DYNC1H1: variants seen among roughly 807,000 people sequenced by gnomAD.
The protein encoded by DYNC1H1 is cytoplasmic dynein 1 heavy chain 1.
DYNC1H1 carries 51 observed loss-of-function variants against 527.1 expected under a neutral mutation model. That is an observed-to-expected ratio of 0.10 (90% CI 0.08 to 0.12). DYNC1H1 has a LOEUF of 0.12. Among genes scored for constraint, DYNC1H1 ranks in the 10% least tolerant of loss-of-function variants. The pLI is 1.00. For synonymous variants in DYNC1H1, 2,189 were observed against 2,278.8 expected (o/e 0.96, Z 1.12); for missense variants, 2,771 against 5,971.8 (o/e 0.46, Z 17.66).
rs924402488 is a variant in DYNC1H1, at chr14:102,017,647, C to T, written c.8177+143C>T. 8 of 1,436,046 alleles carry T rather than the reference C, an allele frequency of 5.6e-6. No individual in the cohort carries two copies. The allele number at this position is 1,436,046 out of a possible 1,614,324, so 89.0% of individuals were successfully genotyped here. Reference sequence around the variant, plus strand: ...ATTCCTCTTGGGTTACTTCTCTGTGCTGTAATGCCAGGAAAACATGTTAAA... The same window carrying T: ...ATTCCTCTTGGGTTACTTCTCTGTGTTGTAATGCCAGGAAAACATGTTAAA... On this transcript the variant is annotated intron_variant, in intron 40 of 77. Transcript: ENST00000360184. This position sits in a 1 kb window ranked among gnomAD's most constrained non-coding sequence, Gnocchi z 4.6.
At position 101,964,591 on chromosome 14, in the gene DYNC1H1, G is replaced by T. The variant is rs968044796; in HGVS notation, c.-101G>T. 18 of 1,525,352 alleles carry T rather than the reference G, an allele frequency of 1.2e-5. No individual in the cohort carries two copies. In the African/African-American group the frequency reaches 1.4e-4, roughly 12 times the overall value. The allele number at this position is 1,525,352 out of a possible 1,614,324, so 94.5% of individuals were successfully genotyped here. A position where few individuals can be genotyped will look rare whatever the true frequency, so the allele number is the denominator to read the frequency against. ...TCTCCTCAGTCTGCGGTGGGCTAGCGGACGGTCCGGCTTCCGGCGGCCGTT... is the reference window on the plus strand; with the variant it reads ...TCTCCTCAGTCTGCGGTGGGCTAGCTGACGGTCCGGCTTCCGGCGGCCGTT... On this transcript the variant is annotated 5_prime_UTR_variant, in exon 1 of 78. Transcript: ENST00000360184. This position sits in a 1 kb window ranked among gnomAD's most constrained non-coding sequence, Gnocchi z 5.5.
intron 10 of DYNC1H1, among the ~76,000 whole-genome samples, chr14:101,990,934 G>A (rs762277728): frequency 3.3e-5 from 5 of 151,686 alleles, no homozygotes; most frequent in African/African-American, 4.8e-5. Flanking sequence ...GCTTGAACTC[G>A]GGAGGTGGAG....
chr14:102,023,514 A>G (rs544143417), intron 43 of DYNC1H1: 51 of 169,616 alleles, frequency 3.0e-4, no homozygotes, highest in Non-Finnish European at 1.5e-4. Context: ...GCGCCATTGC[A>G]CTGCAGCCTC....
chr14:102,002,747 ACTACT>A lies in DYNC1H1; in HGVS notation c.4710-40_4710-36del, dbSNP rs754054415. The A allele has an allele frequency of 1.9e-6, 3 of 1,614,214 alleles. No homozygotes were observed. Among genetic ancestry groups the A allele is most frequent in the Admixed American group, 1.7e-5 (1 of 60,030 alleles). On this transcript the variant is annotated intron_variant, in intron 22 of 77. Transcript: ENST00000360184. The surrounding 1 kb of genome is among the most constrained non-coding windows in gnomAD (Gnocchi z 4.4). ...GAGCCAAATTTGCCAGCGGCTAGTG[ACTACT>A]CTACACAAAGGCTGACGCATGTTTT...
intron 28 of DYNC1H1, 152 bp downstream of exon 28, chr14:102,007,260 T>C (rs1224566721): frequency 1.3e-6 from 1 of 742,738 alleles, no homozygotes; most frequent in Admixed American, 2.2e-5. Flanking sequence ...ATAGGTGTTA[T>C]TTTGAAGTGT....
intron 29 of DYNC1H1, 145 bp downstream of exon 29, chr14:102,008,482 TA>T: frequency 8.3e-7 from 1 of 1,211,988 alleles, no homozygotes; most frequent in Non-Finnish European, 1.2e-6. Flanking sequence ...GAGCTGTGGT[TA>T]AAGACGGAAG....
chr14:101,991,480 T>TA, intron 10 of DYNC1H1, 47 bp from the exon 11 acceptor site: 2 of 1,612,434 alleles, frequency 1.2e-6, no homozygotes, highest in Middle Eastern at 1.7e-4. Context: ...AAATTTTTTT[T>TA]ATTGAAAAAT....
rs1170566501 is a variant in DYNC1H1, at chr14:101,983,280, A to G, written c.1223A>G (p.Glu408Gly). ...AAATTGATGCATGTTGCTTATGAAG[A>G]ATTTGAAAAAGTAAGTTTGAATATA... ...TRKLMHVAYE[E>G]FEKVMVACFE... Residue 408 changes from glutamate to glycine, a missense_variant, in exon 6 of 78, where the codon GAA (glutamate) becomes GGA (glycine). Glu to Gly is a moderately conservative substitution (Grantham distance 98, BLOSUM62 -2). This residue lies in a region of DYNC1H1 where 264 missense variants were observed against 619.4 expected (regional missense o/e 0.43). Transcript: ENST00000360184. The surrounding 1 kb of genome is among the most constrained non-coding windows in gnomAD (Gnocchi z 5.3). The G allele has an allele frequency of 1.2e-6, 2 of 1,614,244 alleles. No homozygotes were observed.
At position 101,983,325 on chromosome 14, in the gene DYNC1H1, A is replaced by G; in HGVS notation, c.1233+35A>G. 5 of 1,614,118 alleles carry G rather than the reference A, an allele frequency of 3.1e-6. No individual in the cohort carries two copies. The highest frequency in any genetic ancestry group is 4.2e-6 in the Non-Finnish European group (5 of 1,179,936). On this transcript the variant is annotated intron_variant, in intron 6 of 77. Transcript: ENST00000360184. This position sits in a 1 kb window ranked among gnomAD's most constrained non-coding sequence, Gnocchi z 5.3. ...AATATATAAGACAACCAACCTCAAG[A>G]CATTGAGATGAAAATATGTCTTAAT... is the stretch of plus-strand genomic sequence containing the variant.
intron 28 of DYNC1H1, 145 bp from the exon 29 acceptor site, chr14:102,008,033 C>A: frequency 8.7e-7 from 1 of 1,151,820 alleles, no homozygotes. Context: ...CCTCATTTAA[C>A]CTTAGTTATG....
Position 102,011,789 on chromosome 14 carries a change from T to C in DYNC1H1, c.6619-86T>C. 2.1e-6 allele frequency: 3 copies of C among 1,400,910 alleles called. No homozygotes were observed. The highest frequency in any genetic ancestry group is 3.4e-5 in the Admixed American group (2 of 59,250). 86.8% of individuals were successfully genotyped at this position (1,400,910 alleles called of 1,614,324 possible). ...AAAATCCACACATAATGTTTCTTGCTCACTTTCACAAGAGGTGGCTGGGCG... is the reference window on the plus strand; with the variant it reads ...AAAATCCACACATAATGTTTCTTGCCCACTTTCACAAGAGGTGGCTGGGCG... On this transcript the variant is annotated intron_variant, in intron 32 of 77. Transcript: ENST00000360184. The surrounding 1 kb of genome is among the most constrained non-coding windows in gnomAD (Gnocchi z 5.3).
chr14:101,990,613 C>T (rs1443762792), intron 10 of DYNC1H1, among the ~76,000 whole-genome samples: 1 of 152,036 alleles, frequency 6.6e-6, no homozygotes, highest in Non-Finnish European at 1.5e-5. Context: ...AGTGGCTTAC[C>T]CCTGTAATCC....
rs775712157 is a variant in DYNC1H1 at position 102,047,955 on chromosome 14, C to A, written c.13145C>A (p.Thr4382Asn). The stretch of plus-strand genomic sequence containing the variant: ...CCTGCCTGGATGCGGACACTGCACA[C>A]CACCGCGTCCAACTGGCTGCACCTC... ...GRPAWMRTLH[T>N]TASNWLHLIP... The change falls in exon 73 of 78, where the codon ACC becomes AAC. Residue 4382 changes from threonine to asparagine, a missense_variant. Transcript: ENST00000360184. 2.5e-6 allele frequency: 4 copies of A among 1,613,060 alleles called. No individual in the cohort carries two copies. Among genetic ancestry groups the A allele is most frequent in the Non-Finnish European group, 3.4e-6 (4 of 1,180,020 alleles).
intron 1 of DYNC1H1, among the ~76,000 whole-genome samples, chr14:101,966,609 A>G (rs1293260872): frequency 1.3e-5 from 2 of 152,158 alleles, no homozygotes. Context: ...TTTAATCTGC[A>G]TTTTTAAAGT....
At chr14:102,046,708 G>A (rs562144211) in intron 72 of DYNC1H1, among the ~76,000 whole-genome samples, 10 of 152,314 alleles carry the variant, frequency 6.6e-5, no homozygotes, top group Admixed American at 2.0e-4. Flanking sequence ...GCTGAAAGCC[G>A]GCCGGGGCTT....
chr14:101,990,403 C>T (rs745519041), intron 10 of DYNC1H1, among the ~76,000 whole-genome samples: 1 of 152,112 alleles, frequency 6.6e-6, no homozygotes, highest in Non-Finnish European at 1.5e-5. Flanking sequence ...TCCCTGGGCA[C>T]CAGGGACCCA....
rs747503901 is a variant in DYNC1H1 at position 101,975,719 on chromosome 14, C to T, written c.264C>T (p.Val88=). The T allele has an allele frequency of 8.1e-6, 13 of 1,612,420 alleles. No individual in the cohort carries two copies. Among genetic ancestry groups the T allele is most frequent in the Admixed American group, 1.7e-5 (1 of 59,946 alleles). ...ATTTATTATGATTTGTAGAGGACGT[C>T]GGTGATGAAGGAGAAGAAGAAAAAG... ...LVERSTLKED[V]GDEGEEEKEF... Residue 88 remains valine (V), a synonymous_variant, in exon 2 of 78, where the codon GTC becomes GTT. Transcript: ENST00000360184.
Position 102,017,392 on chromosome 14 carries a change from C to G in DYNC1H1, c.8065C>G (p.His2689Asp). ...VISFIRQMVE[H>D]GGFYRTSDQT... ...CTGTCCCTTCCTTCAGATGGTGGAG[C>G]ACGGAGGCTTTTACCGTACCTCAGA... is the stretch of plus-strand genomic sequence containing the variant. Residue 2689 changes from histidine (H) to aspartate (D), a missense_variant, in exon 40 of 78, where the codon CAC becomes GAC. Around this residue, in one of 32 missense-constraint regions of DYNC1H1, gnomAD observed 163 missense variants for 346.9 expected, o/e 0.47. Transcript: ENST00000360184. This position sits in a 1 kb window ranked among gnomAD's most constrained non-coding sequence, Gnocchi z 4.6. 1 of 1,614,202 alleles carries G rather than the reference C, an allele frequency of 6.2e-7. No individual in the cohort carries two copies. The highest frequency in any genetic ancestry group is 8.5e-7 in the Non-Finnish European group (1 of 1,180,048).
chr14:102,027,346 G>A lies in DYNC1H1; in HGVS notation c.8887-37G>A. On this transcript the variant is annotated intron_variant, in intron 45 of 77. Transcript: ENST00000360184. The surrounding 1 kb of genome is among the most constrained non-coding windows in gnomAD (Gnocchi z 7.7). ...AACAGATGTGTGTGCAGAGCTCAGTGAGTAGGAATGGACCTAACTTGCCTC... is the reference window on the plus strand; with the variant it reads ...AACAGATGTGTGTGCAGAGCTCAGTAAGTAGGAATGGACCTAACTTGCCTC... 1 of 1,614,114 alleles carries A rather than the reference G, an allele frequency of 6.2e-7. No individual in the cohort carries two copies. The highest frequency in any genetic ancestry group is 8.5e-7 in the Non-Finnish European group (1 of 1,180,016).
Sources: gnomAD v4.1 joint callset for allele counts (sites outside exome capture counted in the v4.1 genomes callset) on GRCh38, gnomAD v4.1.1 for gene constraint, gnomAD v4.1.1 regional missense constraint, Gnocchi (gnomAD v3.1) non-coding constraint, MANE v1.5 for transcripts, NCBI Gene and HGNC (gene_info 2026-07-23, HGNC 2026-07-21) for gene names.